The following CACNG2 variants were observed in gnomAD, a reference collection of about 807,000 sequenced individuals.
CACNG2 encodes voltage-dependent calcium channel gamma-2 subunit.
In CACNG2, 3 loss-of-function variants were observed where a neutral mutation model predicts 25.9. That is an observed-to-expected ratio of 0.12 (90% CI 0.05 to 0.30). The LOEUF is 0.30. CACNG2 is among the 10% of genes least tolerant of loss of function. The probability of loss-of-function intolerance (pLI) is 1.00; values close to 1 mark genes in which losing one functional copy is unlikely to be tolerated. For missense variants in CACNG2, 341 were observed against 432.5 expected (o/e 0.79, Z 1.88); for synonymous variants, 167 against 173.3 (o/e 0.96, Z 0.29).
intron 1 of CACNG2, among the ~76,000 whole-genome samples, chr22:36,588,125 C>T (rs1453365059): frequency 1.3e-5 from 2 of 152,138 alleles, no homozygotes; most frequent in Non-Finnish European, 2.9e-5. Flanking sequence ...CCCCTGGGGG[C>T]TGGACTTTTG....
chr22:36,656,981 G>A (rs1397296976), intron 1 of CACNG2, among the ~76,000 whole-genome samples: 1 of 152,170 alleles, frequency 6.6e-6, no homozygotes, highest in Non-Finnish European at 1.5e-5. Flanking sequence ...CTTCATGAGG[G>A]TCAGGACTTT....
chr22:36,594,406 C>A (rs529340069), intron 1 of CACNG2, among the ~76,000 whole-genome samples: 66 of 152,334 alleles, frequency 4.3e-4, no homozygotes, highest in Non-Finnish European at 1.9e-4. Context: ...ATGCCACGCT[C>A]CATGCAACCT....
intron 1 of CACNG2, among the ~76,000 whole-genome samples, chr22:36,616,936 C>T (rs886662252): frequency 1.3e-5 from 2 of 152,148 alleles, no homozygotes; most frequent in African/African-American, 4.8e-5. Flanking sequence ...AATCAGAGAC[C>T]ATCCCTTCCC....
At chr22:36,596,280 C>T (rs929360298) in intron 1 of CACNG2, among the ~76,000 whole-genome samples, 5 of 152,152 alleles carry the variant, frequency 3.3e-5, no homozygotes, top group Admixed American at 1.3e-4. Flanking sequence ...ACCTCCCTGA[C>T]GGCAGGGATT....
chr22:36,698,750 A>C (rs1331900489), intron 1 of CACNG2, among the ~76,000 whole-genome samples: 1 of 152,164 alleles, frequency 6.6e-6, no homozygotes, highest in Non-Finnish European at 1.5e-5. Context: ...GTTCTGCCTC[A>C]CAGTAAGGCA....
At chr22:36,594,895 T>C (rs948471578) in intron 1 of CACNG2, among the ~76,000 whole-genome samples, 1 of 150,160 alleles carries the variant, frequency 6.7e-6, no homozygotes, top group African/African-American at 2.5e-5. Flanking sequence ...TGTGTGTACA[T>C]GGGTGTGTGT....
At chr22:36,578,740 G>A (rs1304925859) in intron 2 of CACNG2, among the ~76,000 whole-genome samples, 1 of 152,130 alleles carries the variant, frequency 6.6e-6, no homozygotes, top group Non-Finnish European at 1.5e-5. Context: ...CCTCATTCTG[G>A]GAAGAGGGTG....
chr22:36,655,208 A>G (rs1335042738), intron 1 of CACNG2, among the ~76,000 whole-genome samples: 1 of 152,212 alleles, frequency 6.6e-6, no homozygotes, highest in African/African-American at 2.4e-5. Flanking sequence ...GACTCTTTGC[A>G]GAACTGAGCC....
rs890417181 is a variant in CACNG2, at chr22:36,626,303, T to C, written c.212-38755A>G. 5.3e-5 allele frequency among the ~76,000 whole-genome samples: 8 copies of C among 152,324 alleles called. No individual in the cohort carries two copies. In the East Asian group the frequency reaches 1.5e-3, roughly 29 times the overall value. The stretch of plus-strand genomic sequence containing the variant: ...TTTCTGATGCTGACTTGTTTTAGTC[T>C]CTGAAAGAGTCACTTAAATGTTCGA... On this transcript the variant is annotated intron_variant, in intron 1 of 3. Transcript: ENST00000300105.
Position 36,700,168 on chromosome 22 carries a change from C to T in CACNG2, c.211+2198G>A, listed in dbSNP as rs561921476. 1.1e-4 allele frequency among the ~76,000 whole-genome samples: 17 copies of T among 152,352 alleles called. 1 individual carries two copies. In the South Asian group the frequency reaches 3.5e-3, roughly 32 times the overall value. ...ATCGCACAATCCTTGGGAAGTGTTG[C>T]AATTCTAACCCTTTACAGACAACTC... On this transcript the variant is annotated intron_variant, in intron 1 of 3. Transcript: ENST00000300105.
intron 1 of CACNG2, among the ~76,000 whole-genome samples, chr22:36,605,314 A>C (rs181073816): frequency 9.9e-5 from 15 of 152,282 alleles, no homozygotes; most frequent in African/African-American, 2.9e-4. Context: ...GCCTCAAGTG[A>C]TTCACCCACC....
chr22:36,629,219 A>AAT (rs1387058955), intron 1 of CACNG2, among the ~76,000 whole-genome samples: 1 of 152,220 alleles, frequency 6.6e-6, no homozygotes, highest in Non-Finnish European at 1.5e-5. Context: ...GAATAACCGA[A>AAT]GCCTTAAATA....
chr22:36,629,820 T>C (rs1792193479), intron 1 of CACNG2, among the ~76,000 whole-genome samples: 1 of 152,170 alleles, frequency 6.6e-6, no homozygotes, highest in African/African-American at 2.4e-5. Flanking sequence ...GCTTATATTC[T>C]AGGGGAACAG....
chr22:36,589,843 A>G (rs6000336), intron 1 of CACNG2, among the ~76,000 whole-genome samples: 8,206 of 152,216 alleles, frequency 0.054, 760 homozygotes, highest in African/African-American at 0.19. Flanking sequence ...CTCTGTGGGA[A>G]AAGTCTTCAT....
intron 3 of CACNG2, 111 bp downstream of exon 3, chr22:36,566,242 T>G: frequency 5.3e-6 from 6 of 1,134,160 alleles, no homozygotes; most frequent in African/African-American, 1.5e-5. Context: ...GTGCAAGTCT[T>G]GGAGATTTCC....
At chr22:36,629,648 A>G (rs1311819999) in intron 1 of CACNG2, among the ~76,000 whole-genome samples, 1 of 152,072 alleles carries the variant, frequency 6.6e-6, no homozygotes, top group Non-Finnish European at 1.5e-5. Context: ...TGAGAAGAAT[A>G]CAAGTCAGAC....
chr22:36,637,438 T>G (rs117120048), intron 1 of CACNG2, among the ~76,000 whole-genome samples: 1 of 152,086 alleles, frequency 6.6e-6, no homozygotes, highest in Admixed American at 6.5e-5. Context: ...GCATGGAGTA[T>G]ATGGGGATTC....
chr22:36,681,540 C>T (rs935065124), intron 1 of CACNG2, among the ~76,000 whole-genome samples: 2 of 78,240 alleles, frequency 2.6e-5, no homozygotes, highest in Middle Eastern at 5.2e-3. Flanking sequence ...AGAATTAAAT[C>T]CATTTTTTGG....
At chr22:36,663,326 T>C (rs941556915) in intron 1 of CACNG2, among the ~76,000 whole-genome samples, 2 of 152,134 alleles carry the variant, frequency 1.3e-5, no homozygotes, top group African/African-American at 4.8e-5. Flanking sequence ...AAAAGGTCTT[T>C]GGTTTTCGCC....
Sources: allele counts gnomAD v4.1 joint callset (sites outside exome capture counted in the v4.1 genomes callset), GRCh38; gene constraint gnomAD v4.1.1; transcripts MANE v1.5; gene names NCBI Gene and HGNC (gene_info 2026-07-23, HGNC 2026-07-21).